Variants in SMARCA2 observed in about 807,000 individuals in gnomAD.
The protein encoded by SMARCA2 is SWI/SNF related BAF chromatin remodeling complex subunit ATPase 2.
Under a neutral mutation model 199.8 loss-of-function variants are expected in SMARCA2, and 61 were observed. That is an observed-to-expected ratio of 0.31 (90% CI 0.25 to 0.38). The LOEUF (loss-of-function observed/expected upper bound fraction) is 0.38, where lower values mean the gene tolerates loss of function less well. Among genes scored for constraint, SMARCA2 ranks in the 10% least tolerant of loss-of-function variants. SMARCA2 has a pLI of 1.00. For synonymous variants in SMARCA2, 935 were observed against 732.0 expected, an observed-to-expected ratio of 1.28 and a Z score of -4.48; for missense variants, 1,344 against 2,012.2, an observed-to-expected ratio of 0.67 and a Z score of 6.35.
chr9:2,060,719 A>G, intron 8 of SMARCA2, 97 bp from the exon 9 acceptor site: 1 of 1,155,142 alleles, frequency 8.7e-7, no homozygotes, highest in Non-Finnish European at 1.3e-6. Context: ...CACTCCTACC[A>G]GTCAAAATGC....
At chr9:2,092,050 A>G (rs1211337205) in intron 19 of SMARCA2, among the ~76,000 whole-genome samples, 1 of 152,194 alleles carries the variant, frequency 6.6e-6, no homozygotes, top group African/African-American at 2.4e-5. Context: ...TCCATTTCTT[A>G]TGCACGGGAA....
At chr9:2,151,899 C>T (rs1287585966) in intron 27 of SMARCA2, among the ~76,000 whole-genome samples, 1 of 152,002 alleles carries the variant, frequency 6.6e-6, no homozygotes, top group Admixed American at 6.5e-5. Flanking sequence ...AGTTGGAAGA[C>T]CATAATGATT....
Position 2,110,718 on chromosome 9 carries a change from T to C in SMARCA2, c.3456+301T>C, listed in dbSNP as rs1563774983. 6.6e-6 allele frequency among the ~76,000 whole-genome samples: 1 copy of C among 152,200 alleles called. No homozygotes were observed. The highest frequency in any genetic ancestry group is 1.5e-5 in the Non-Finnish European group (1 of 68,038). ...TTTAATGAGGGATAAGTCAAAAATG[T>C]TGCAAAATCATAGCAGTAAGAACAA... On this transcript the variant is annotated intron_variant, in intron 24 of 33. Coordinates refer to ENST00000349721, the MANE Select transcript of SMARCA2 (RefSeq NM_003070.5). The surrounding 1 kb of genome is among the most constrained non-coding windows in gnomAD (Gnocchi z 4.8).
chr9:2,163,978 A>G (rs1402438868), intron 28 of SMARCA2, among the ~76,000 whole-genome samples: 1 of 151,824 alleles, frequency 6.6e-6, no homozygotes, highest in African/African-American at 2.4e-5. Context: ...CACCCTTTTG[A>G]AAAACCAGAA....
chr9:2,060,118 C>CAAAAAAAAAAAAAAAAAAAA (rs372329238), intron 8 of SMARCA2, among the ~76,000 whole-genome samples: 1 of 62,412 alleles, frequency 1.6e-5, no homozygotes, highest in Admixed American at 2.3e-4. Flanking sequence ...GATCTGTGGC[C>CAAAAAAAAAAAAAAAAAAAA]AAAAAAAAAA....
At chr9:2,121,478 C>G (rs573023581) in intron 26 of SMARCA2, among the ~76,000 whole-genome samples, 2 of 152,280 alleles carry the variant, frequency 1.3e-5, no homozygotes, top group East Asian at 3.9e-4. Context: ...TTCCTTAGCA[C>G]CTCCACTTGG....
chr9:2,047,145 G>A, intron 4 of SMARCA2, 84 bp from the exon 5 acceptor site: 1 of 975,000 alleles, frequency 1.0e-6, no homozygotes, highest in Non-Finnish European at 1.2e-6. Flanking sequence ...CCCAGCACTG[G>A]GCCCCGGGGG....
intron 5 of SMARCA2, among the ~76,000 whole-genome samples, chr9:2,050,247 T>C (rs923149512): frequency 6.6e-6 from 1 of 152,214 alleles, no homozygotes; most frequent in Non-Finnish European, 1.5e-5. Flanking sequence ...GATCCTTTCT[T>C]TTTGACCATC....
intron 3 of SMARCA2, among the ~76,000 whole-genome samples, chr9:2,037,805 C>G (rs191126286): frequency 2.6e-5 from 4 of 152,326 alleles, no homozygotes; most frequent in Admixed American, 6.5e-5. Flanking sequence ...ACACCTTTGA[C>G]TTGATTAATT....
chr9:2,102,411 G>C (rs1483452654), intron 22 of SMARCA2, among the ~76,000 whole-genome samples: 2 of 152,190 alleles, frequency 1.3e-5, no homozygotes, highest in Admixed American at 1.3e-4. Context: ...ACAGTTCTCA[G>C]AGTGGAGGAT....
rs1379066111 is a variant in SMARCA2, at chr9:2,169,909, A to T, written c.4200-510A>T. On this transcript the variant is annotated intron_variant, in intron 28 of 33. Coordinates refer to ENST00000349721, the MANE Select transcript of SMARCA2 (RefSeq NM_003070.5). This position sits in a 1 kb window ranked among gnomAD's most constrained non-coding sequence, Gnocchi z 6.5. ...AATAGAGCTCTTGGAAGCAGAGCTG[A>T]CTAGTTAGATGGTGTTCAGACCCAA... Among the ~76,000 whole-genome samples the T allele has an allele frequency of 6.6e-6, 1 of 152,216 alleles. No homozygotes were observed. The highest frequency in any genetic ancestry group is 1.5e-5 in the Non-Finnish European group (1 of 68,024).
At chr9:2,171,682 T>A (rs1826254790) in intron 29 of SMARCA2, among the ~76,000 whole-genome samples, 1 of 152,246 alleles carries the variant, frequency 6.6e-6, no homozygotes, top group Non-Finnish European at 1.5e-5. Context: ...AACGAATAGT[T>A]GACTTCATAA....
chr9:2,170,573 C>G lies in SMARCA2; in HGVS notation c.4253+101C>G. ...ATCGGCCTTTGGAAGCAAATTTCTT[C>G]GGTCACCTCCTGATCACCCCTACTT... is the stretch of plus-strand genomic sequence containing the variant. On this transcript the variant is annotated intron_variant, in intron 29 of 33. Coordinates refer to ENST00000349721, the MANE Select transcript of SMARCA2 (RefSeq NM_003070.5). This position sits in a 1 kb window ranked among gnomAD's most constrained non-coding sequence, Gnocchi z 4.7. 16 of 1,583,424 alleles carry G rather than the reference C, an allele frequency of 1.0e-5. No individual in the cohort carries two copies. The highest frequency in any genetic ancestry group is 1.4e-5 in the Non-Finnish European group (16 of 1,159,376).
chr9:2,021,073 C>T (rs757588457), intron 1 of SMARCA2, among the ~76,000 whole-genome samples: 1 of 152,132 alleles, frequency 6.6e-6, no homozygotes, highest in Non-Finnish European at 1.5e-5. Flanking sequence ...TTTAAAACCA[C>T]AATATTCTAT....
At chr9:2,160,105 T>G in intron 27 of SMARCA2, 1 of 649,870 alleles carries the variant, frequency 1.5e-6, no homozygotes, top group South Asian at 2.5e-5. Context: ...CTCCAAGATA[T>G]GCGGGACAAT....
At chr9:2,166,227 CTCCTAGTG>C (rs1825924525) in intron 28 of SMARCA2, among the ~76,000 whole-genome samples, 1 of 152,156 alleles carries the variant, frequency 6.6e-6, no homozygotes, top group African/African-American at 2.4e-5. Context: ...ACATTCCAGT[CTCCTAGTG>C]TCCCATTTAA....
intron 27 of SMARCA2, among the ~76,000 whole-genome samples, chr9:2,126,188 T>C (rs558603934): frequency 1.3e-5 from 2 of 152,368 alleles, no homozygotes; most frequent in African/African-American, 4.8e-5. Context: ...GAAAATTAGT[T>C]TGTTTTACAA....
intron 27 of SMARCA2, among the ~76,000 whole-genome samples, chr9:2,137,930 A>C (rs534960675): frequency 6.6e-6 from 1 of 152,202 alleles, no homozygotes; most frequent in Non-Finnish European, 1.5e-5. Flanking sequence ...GATTCCAGTG[A>C]TCTGTGACTT....
At chr9:2,058,023 C>T (rs1392108677) in intron 7 of SMARCA2, 10 of 272,680 alleles carry the variant, frequency 3.7e-5, no homozygotes. Context: ...TCGATCTTTC[C>T]ATTCTCATGT....
Sources: gnomAD v4.1 joint callset for allele counts (sites outside exome capture counted in the v4.1 genomes callset) on GRCh38, gnomAD v4.1.1 for gene constraint, Gnocchi (gnomAD v3.1) non-coding constraint, MANE v1.5 for transcripts, NCBI Gene and HGNC (gene_info 2026-07-23, HGNC 2026-07-21) for gene names.